The following CCDC7 variants were observed in gnomAD, a reference collection of about 807,000 sequenced individuals.
CCDC7 encodes coiled-coil domain containing 7, also known as coiled-coil domain-containing protein 7.
Under a neutral mutation model 196.9 loss-of-function variants are expected in CCDC7, and 183 were observed. The observed-to-expected ratio is 0.93, with a 90% CI of 0.82 to 1.05. CCDC7 has a LOEUF of 1.05. Among genes scored for constraint, CCDC7 ranks in the 50% least tolerant of loss-of-function variants. The pLI is 0.00. For synonymous variants in CCDC7, 525 were observed against 484.6 expected, an observed-to-expected ratio of 1.08 and a Z score of -1.10; for missense variants, 1,540 against 1,482.2, an observed-to-expected ratio of 1.04 and a Z score of -0.64.
chr10:32,678,003 C>G (rs1254047077), intron 21 of CCDC7, among the ~76,000 whole-genome samples: 2 of 151,938 alleles, frequency 1.3e-5, no homozygotes, highest in African/African-American at 2.4e-5. Context: ...TTGAGGCTAT[C>G]TATGAAATTT....
At chr10:32,776,578 T>G (rs1231028632) in intron 28 of CCDC7, among the ~76,000 whole-genome samples, 1 of 152,230 alleles carries the variant, frequency 6.6e-6, no homozygotes. Flanking sequence ...ACAATATGCA[T>G]AATATCAATA....
chr10:32,770,156 A>G (rs2134056162), intron 28 of CCDC7, among the ~76,000 whole-genome samples: 2 of 152,154 alleles, frequency 1.3e-5, no homozygotes, highest in South Asian at 4.2e-4. Context: ...TTCTTCTGCT[A>G]GTTTTGGGTT....
At chr10:32,822,983 T>C (rs1405652747) in intron 31 of CCDC7, among the ~76,000 whole-genome samples, 1 of 152,188 alleles carries the variant, frequency 6.6e-6, no homozygotes, top group Admixed American at 6.5e-5. Flanking sequence ...ATCCTCTGAT[T>C]TCTTAGTTCA....
At chr10:32,528,365 G>A (rs2048992955) in intron 11 of CCDC7, among the ~76,000 whole-genome samples, 2 of 151,826 alleles carry the variant, frequency 1.3e-5, no homozygotes, top group Non-Finnish European at 2.9e-5. Flanking sequence ...CACCCAAGCA[G>A]TGTACACTGT....
chr10:32,642,649 C>T (rs1240231454), intron 20 of CCDC7, among the ~76,000 whole-genome samples: 1 of 151,902 alleles, frequency 6.6e-6, no homozygotes, highest in Non-Finnish European at 1.5e-5. Flanking sequence ...GGCTCGGTGC[C>T]CCGCACCCAC....
intron 9 of CCDC7, among the ~76,000 whole-genome samples, chr10:32,516,891 T>C (rs2135490232): frequency 1.3e-5 from 2 of 152,324 alleles, no homozygotes; most frequent in Admixed American, 1.3e-4. Context: ...TTATTCATAA[T>C]GGCAGAAAAG....
intron 30 of CCDC7, among the ~76,000 whole-genome samples, chr10:32,807,715 C>T (rs1431725617): frequency 6.6e-6 from 1 of 151,898 alleles, no homozygotes; most frequent in Non-Finnish European, 1.5e-5. Context: ...GCCACCCTTA[C>T]AGGCCCTGAC....
At chr10:32,486,050 C>T (rs2041009354) in intron 8 of CCDC7, among the ~76,000 whole-genome samples, 1 of 152,096 alleles carries the variant, frequency 6.6e-6, no homozygotes, top group African/African-American at 2.4e-5. Flanking sequence ...CCTGGATATC[C>T]TTGTTAACTT....
chr10:32,746,765 C>T (rs1404172595), intron 28 of CCDC7, among the ~76,000 whole-genome samples: 9 of 152,138 alleles, frequency 5.9e-5, no homozygotes, highest in Admixed American at 2.6e-4. Flanking sequence ...TGTGCACCCA[C>T]CTGCAGCCTC....
intron 28 of CCDC7, among the ~76,000 whole-genome samples, chr10:32,752,559 C>G (rs1259476958): frequency 3.3e-5 from 5 of 151,950 alleles, no homozygotes; most frequent in Admixed American, 3.3e-4. Flanking sequence ...TCAGGTCCCC[C>G]CTTTTGTGTG....
chr10:32,815,981 G>A (rs1183629106), intron 31 of CCDC7, among the ~76,000 whole-genome samples: 1 of 152,170 alleles, frequency 6.6e-6, no homozygotes, highest in Non-Finnish European at 1.5e-5. Context: ...TCTCACTTGG[G>A]AGTGTTGGCA....
At chr10:32,870,390 C>T (rs953298581) in intron 41 of CCDC7, among the ~76,000 whole-genome samples, 23 of 151,888 alleles carry the variant, frequency 1.5e-4, no homozygotes, top group African/African-American at 5.1e-4. Flanking sequence ...CATGATTTGG[C>T]TCTGTTTGTC....
chr10:32,619,921 T>A (rs1480664752), intron 18 of CCDC7, among the ~76,000 whole-genome samples: 1 of 41,056 alleles, frequency 2.4e-5, no homozygotes, highest in Non-Finnish European at 1.2e-4. Context: ...TTTTTTTTTT[T>A]TTTTTTTTTT....
intron 18 of CCDC7, among the ~76,000 whole-genome samples, chr10:32,618,966 C>T (rs2063082845): frequency 6.6e-6 from 1 of 151,854 alleles, no homozygotes; most frequent in African/African-American, 2.4e-5. Context: ...TTTTATCTGA[C>T]TGGATTATTT....
intron 18 of CCDC7, among the ~76,000 whole-genome samples, chr10:32,628,581 C>T (rs189686606): frequency 2.4e-4 from 36 of 151,802 alleles, no homozygotes; most frequent in African/African-American, 6.0e-4. Context: ...AGTTCCCTGA[C>T]GAATAATGTT....
intron 11 of CCDC7, among the ~76,000 whole-genome samples, chr10:32,526,173 CCCTCCCTGTGGCCA>C (rs2048642723): frequency 6.6e-6 from 1 of 152,160 alleles, no homozygotes; most frequent in South Asian, 2.1e-4. Flanking sequence ...GCAGAGAAGC[CCCTCCCTGTGGCCA>C]CCACCACAAA....
chr10:32,637,047 A>G (rs1480554832), intron 20 of CCDC7, among the ~76,000 whole-genome samples: 1 of 152,134 alleles, frequency 6.6e-6, no homozygotes, highest in African/African-American at 2.4e-5. Flanking sequence ...GTGTTTGTTC[A>G]TATCTTTCGC....
At chr10:32,851,656 G>T in intron 39 of CCDC7, 151 bp from the exon 41 acceptor site, 2 of 657,122 alleles carry the variant, frequency 3.0e-6, no homozygotes, top group Non-Finnish European at 4.8e-6. Flanking sequence ...TTGAAATTTT[G>T]TTGCAGTCTA....
In CCDC7 at chr10:32,543,281, C is replaced by T; in HGVS notation, c.994-19C>T. On this transcript the variant is annotated intron_variant, in intron 11 of 41. Transcript: ENST00000639629. Reference sequence around the variant, plus strand: ...TGTGTTTTTAACCCTTTATTTCTGGCTTATGTAAAATTATACAGAAAACTA... The same window carrying T: ...TGTGTTTTTAACCCTTTATTTCTGGTTTATGTAAAATTATACAGAAAACTA... 1.5e-6 allele frequency: 2 copies of T among 1,377,558 alleles called. No individual in the cohort carries two copies. Among genetic ancestry groups the T allele is most frequent in the South Asian group, 1.7e-5 (1 of 58,704 alleles). 85.3% of individuals were successfully genotyped at this position (1,377,558 alleles called of 1,614,324 possible). A position where few individuals can be genotyped will look rare whatever the true frequency, so the allele number is the denominator to read the frequency against.
Sources: allele counts gnomAD v4.1 joint callset (sites outside exome capture counted in the v4.1 genomes callset), GRCh38; gene constraint gnomAD v4.1.1; transcripts MANE v1.5; gene names NCBI Gene and HGNC (gene_info 2026-07-23, HGNC 2026-07-21).